The following MARCHF1 variants were observed in gnomAD, a reference collection of about 807,000 sequenced individuals.
MARCHF1 encodes membrane associated ring-CH-type finger 1.
Under a neutral mutation model 54.2 loss-of-function variants are expected in MARCHF1, and 40 were observed. The observed-to-expected ratio is 0.74, with a 90% CI of 0.57 to 0.96. The LOEUF is 0.96. MARCHF1 is among the 40% of genes least tolerant of loss of function. MARCHF1 has a pLI of 0.00. For synonymous variants in MARCHF1, 236 were observed against 236.3 expected, an observed-to-expected ratio of 1.00 and a Z score of 0.01; for missense variants, 586 against 656.5, an observed-to-expected ratio of 0.89 and a Z score of 1.17.
chr4:163,729,126 G>A (rs988444732), intron 4 of MARCHF1, among the ~76,000 whole-genome samples: 1 of 152,048 alleles, frequency 6.6e-6, no homozygotes, highest in Non-Finnish European at 1.5e-5. Context: ...AATCCCACTG[G>A]TCAAGGCATT....
chr4:164,015,839 C>T (rs954018872), intron 2 of MARCHF1, among the ~76,000 whole-genome samples: 3 of 151,652 alleles, frequency 2.0e-5, no homozygotes, highest in African/African-American at 7.3e-5. Flanking sequence ...CCTTTATACG[C>T]TGTTGGTAAA....
rs373425941 is a variant in MARCHF1, at chr4:163,749,194, TTTAAG to T, written c.112-48336_112-48332del. Among the ~76,000 whole-genome samples the T allele has an allele frequency of 3.1e-3, 470 of 150,720 alleles. 5 individuals carry two copies. Among genetic ancestry groups the T allele is most frequent in the Middle Eastern group, 0.014 (4 of 292 alleles). The stretch of plus-strand genomic sequence containing the variant: ...AGTGGTATTGATTTCACGATTTCAT[TTTAAG>T]TTATCTTTTTCTGAGTATATAAACA... On this transcript the variant is annotated intron_variant, in intron 4 of 9. Coordinates refer to ENST00000514618, the MANE Select transcript of MARCHF1 (RefSeq NM_001394959.1).
chr4:164,163,837 G>T (rs1302488094), intron 1 of MARCHF1, among the ~76,000 whole-genome samples: 1 of 151,520 alleles, frequency 6.6e-6, no homozygotes, highest in Non-Finnish European at 1.5e-5. Flanking sequence ...CTCTATTCTG[G>T]GTCACAAAAC....
chr4:164,342,125 A>G (rs1215657976), intron 1 of MARCHF1, among the ~76,000 whole-genome samples: 1 of 152,214 alleles, frequency 6.6e-6, no homozygotes, highest in African/African-American at 2.4e-5. Flanking sequence ...ACATATAACC[A>G]GATCAGAAAA....
chr4:164,096,938 C>G (rs1430635663), intron 2 of MARCHF1, among the ~76,000 whole-genome samples: 1 of 152,066 alleles, frequency 6.6e-6, no homozygotes, highest in Non-Finnish European at 1.5e-5. Flanking sequence ...TCACTGAAGC[C>G]TTTACAGCAA....
At chr4:163,713,419 C>A (rs1255824887) in intron 4 of MARCHF1, among the ~76,000 whole-genome samples, 1 of 152,192 alleles carries the variant, frequency 6.6e-6, no homozygotes, top group East Asian at 1.9e-4. Flanking sequence ...CTTATTCACT[C>A]ATGACTTCTG....
chr4:163,544,347 A>G (rs1738820814), intron 9 of MARCHF1, among the ~76,000 whole-genome samples: 1 of 152,202 alleles, frequency 6.6e-6, no homozygotes, highest in Non-Finnish European at 1.5e-5. Flanking sequence ...CATAAAAACA[A>G]CCCACAAAAC....
chr4:163,611,440 TAAC>T (rs1741336313), intron 7 of MARCHF1, among the ~76,000 whole-genome samples: 1 of 152,030 alleles, frequency 6.6e-6, no homozygotes, highest in African/African-American at 2.4e-5. Flanking sequence ...AAGCAAAACA[TAAC>T]AAGTATTGCG....
In MARCHF1 at chr4:164,176,966, C is replaced by CA. The variant is rs1730688881; in HGVS notation, c.-322-65305_-322-65304insT. Among the ~76,000 whole-genome samples the CA allele has an allele frequency of 3.5e-3, 164 of 46,700 alleles. 11 individuals are homozygous for CA. The highest frequency in any genetic ancestry group is 9.5e-3 in the South Asian group (10 of 1,056). The allele number at this position is 46,700 out of a possible 152,430, so 30.6% of individuals were successfully genotyped here. A position where few individuals can be genotyped will look rare whatever the true frequency, so the allele number is the denominator to read the frequency against. On this transcript the variant is annotated intron_variant, in intron 1 of 9. Transcript: ENST00000514618. The stretch of plus-strand genomic sequence containing the variant: ...GCTCTCTCTCTCTCTCTCTCTCTCT[C>CA]TCTCTCTCTCTCTCTATATATATAT...
rs569680409 is a variant in MARCHF1, at chr4:164,100,983, G to A, written c.-248+10605C>T. ...AGAGGTCAGGGATTTCCCTTTCTGAGTCAAAGAAAGGGGTGACGGACTGCA... is the reference window on the plus strand; with the variant it reads ...AGAGGTCAGGGATTTCCCTTTCTGAATCAAAGAAAGGGGTGACGGACTGCA... On this transcript the variant is annotated intron_variant, in intron 2 of 9. Coordinates refer to ENST00000514618, the MANE Select transcript of MARCHF1 (RefSeq NM_001394959.1). 7.9e-4 allele frequency among the ~76,000 whole-genome samples: 121 copies of A among 152,332 alleles called. 1 individual carries two copies. Among genetic ancestry groups the A allele is most frequent in the Admixed American group, 1.8e-3 (27 of 15,308 alleles).
At chr4:163,810,724 T>C (rs1748360796) in intron 4 of MARCHF1, among the ~76,000 whole-genome samples, 2 of 152,238 alleles carry the variant, frequency 1.3e-5, no homozygotes, top group Admixed American at 1.3e-4. Flanking sequence ...AAATGTGAAG[T>C]GTTAATGTTT....
chr4:164,350,250 T>A (rs947182224), intron 1 of MARCHF1, among the ~76,000 whole-genome samples: 1 of 152,060 alleles, frequency 6.6e-6, no homozygotes, highest in African/African-American at 2.4e-5. Context: ...AGGTGTGCCA[T>A]CAGAAAAATA....
At chr4:163,781,868 G>C (rs1747475738) in intron 4 of MARCHF1, among the ~76,000 whole-genome samples, 1 of 152,204 alleles carries the variant, frequency 6.6e-6, no homozygotes, top group Non-Finnish European at 1.5e-5. Flanking sequence ...ACGTAAGTCA[G>C]AGATTACCTT....
intron 4 of MARCHF1, among the ~76,000 whole-genome samples, chr4:163,739,092 C>A (rs1422854345): frequency 6.6e-6 from 1 of 152,184 alleles, no homozygotes; most frequent in African/African-American, 2.4e-5. Flanking sequence ...ATACAATACT[C>A]AACAAATATA....
At chr4:164,349,620 G>A (rs189935732) in intron 1 of MARCHF1, among the ~76,000 whole-genome samples, 6 of 152,196 alleles carry the variant, frequency 3.9e-5, no homozygotes, top group Admixed American at 3.3e-4. Context: ...GAGAGTAAAA[G>A]TTTTCATAAG....
chr4:163,999,120 C>T (rs1753137507), intron 2 of MARCHF1, among the ~76,000 whole-genome samples: 2 of 151,584 alleles, frequency 1.3e-5, no homozygotes, highest in Admixed American at 6.6e-5. Context: ...TATATTCCTT[C>T]ATCTTTTTGG....
At chr4:164,013,197 T>C (rs1483419577) in intron 2 of MARCHF1, among the ~76,000 whole-genome samples, 1 of 152,112 alleles carries the variant, frequency 6.6e-6, no homozygotes, top group Non-Finnish European at 1.5e-5. Context: ...AACAAAGTGA[T>C]TGAAATCATT....
intron 1 of MARCHF1, among the ~76,000 whole-genome samples, chr4:164,121,749 GAATTCCATCAAAAATTCAAAGAAGAACT>G (rs1756071158): frequency 6.6e-6 from 1 of 152,042 alleles, no homozygotes; most frequent in African/African-American, 2.4e-5. Context: ...CCTCACTGTT[GAATTCCATCAAAAATTCAAAGAAGAACT>G]AATATCAACC....
At chr4:164,322,816 G>A (rs1348387200) in intron 1 of MARCHF1, among the ~76,000 whole-genome samples, 3 of 151,950 alleles carry the variant, frequency 2.0e-5, no homozygotes, top group Non-Finnish European at 2.9e-5. Context: ...GTCAGCTCAA[G>A]TGGAACTTTA....
Sources: gnomAD v4.1 joint callset for allele counts (sites outside exome capture counted in the v4.1 genomes callset) on GRCh38, gnomAD v4.1.1 for gene constraint, MANE v1.5 for transcripts, NCBI Gene and HGNC (gene_info 2026-07-23, HGNC 2026-07-21) for gene names.